Variants in SLC44A1 observed in about 807,000 individuals in gnomAD.
SLC44A1 encodes solute carrier family 44 member 1.
Under a neutral mutation model 79.3 loss-of-function variants are expected in SLC44A1, and 26 were observed. The observed-to-expected ratio is 0.33, with a 90% confidence interval of 0.24 to 0.46. The LOEUF (loss-of-function observed/expected upper bound fraction) is 0.46, where lower values mean the gene tolerates loss of function less well. Ranked by LOEUF, SLC44A1 falls within the 20% of genes least tolerant of loss-of-function variation. The pLI, the probability that SLC44A1 is intolerant of heterozygous loss-of-function variation, is 1.00. For synonymous variants in SLC44A1, 263 were observed against 286.2 expected (o/e 0.92, Z 0.82); for missense variants, 688 against 798.1 (o/e 0.86, Z 1.66).
rs571775119 is a variant in SLC44A1, at chr9:105,278,505, C to T, written c.37-20715C>T. ...CCTCGTGATCCACCCGCCTCGGCCTCCCGAAGTGCTGGGATTACAGGCGTG... is the reference window on the plus strand; with the variant it reads ...CCTCGTGATCCACCCGCCTCGGCCTTCCGAAGTGCTGGGATTACAGGCGTG... On this transcript the variant is annotated intron_variant, in intron 1 of 15. Coordinates refer to ENST00000374720, the MANE Select transcript of SLC44A1 (RefSeq NM_080546.5). Among the ~76,000 whole-genome samples the T allele has an allele frequency of 2.4e-3, 359 of 152,282 alleles. 1 individual carries two copies. Among genetic ancestry groups the T allele is most frequent in the African/African-American group, 8.1e-3 (336 of 41,530 alleles).
chr9:105,369,167 G>A (rs542967460), intron 12 of SLC44A1, among the ~76,000 whole-genome samples: 17 of 152,296 alleles, frequency 1.1e-4, no homozygotes, highest in African/African-American at 4.1e-4. Flanking sequence ...TTTGTGCCCT[G>A]TCTTAATCTG....
intron 1 of SLC44A1, among the ~76,000 whole-genome samples, chr9:105,254,702 C>T (rs1480710474): frequency 6.6e-6 from 1 of 152,204 alleles, no homozygotes; most frequent in Non-Finnish European, 1.5e-5. Flanking sequence ...AAACCCCTGT[C>T]TTTCTTTTTT....
intron 1 of SLC44A1, among the ~76,000 whole-genome samples, chr9:105,283,847 T>C (rs538934573): frequency 1.3e-5 from 2 of 152,310 alleles, no homozygotes; most frequent in East Asian, 3.9e-4. Context: ...TATTTTTCTG[T>C]AGTTCTCTAG....
intron 1 of SLC44A1, among the ~76,000 whole-genome samples, chr9:105,269,062 A>G (rs1359009190): frequency 6.6e-6 from 1 of 152,178 alleles, no homozygotes; most frequent in Non-Finnish European, 1.5e-5. Context: ...GCCCAGCTTT[A>G]TAGACTGTCA....
At chr9:105,304,565 C>A (rs1465819301) in intron 2 of SLC44A1, among the ~76,000 whole-genome samples, 1 of 152,142 alleles carries the variant, frequency 6.6e-6, no homozygotes, top group Non-Finnish European at 1.5e-5. Flanking sequence ...GTGAACTTCT[C>A]CCTGCAAGTA....
At chr9:105,374,876 A>T in intron 13 of SLC44A1, 141 bp downstream of exon 13, 1 of 631,752 alleles carries the variant, frequency 1.6e-6, no homozygotes, top group South Asian at 2.0e-5. Flanking sequence ...CTGTGTGTCC[A>T]GCATTGTGAT....
chr9:105,438,449 A>G (rs1829491378), exon 16 of SLC44A1: 1 of 638,562 alleles, frequency 1.6e-6, no homozygotes, highest in East Asian at 2.8e-5. Context: ...CCAACAGCCA[A>G]GTGGATTTGG....
At chr9:105,327,821 G>T (rs1826627593) in intron 3 of SLC44A1, among the ~76,000 whole-genome samples, 1 of 152,114 alleles carries the variant, frequency 6.6e-6, no homozygotes, top group Non-Finnish European at 1.5e-5. Context: ...TACGTTTGAT[G>T]CCTCCTCTAT....
At position 105,364,557 on chromosome 9, in the gene SLC44A1, A is replaced by C; in HGVS notation, c.1090A>C (p.Ser364Arg). 1 of 1,608,380 alleles carries C rather than the reference A, an allele frequency of 6.2e-7. No homozygotes were observed. Among genetic ancestry groups the C allele is most frequent in the Non-Finnish European group, 8.5e-7 (1 of 1,178,344 alleles). The change falls in exon 10 of 16, where the codon AGT (serine) becomes CGT (arginine). Residue 364 changes from serine to arginine, a missense_variant and splice_region_variant. Transcript: ENST00000374720. The stretch of plus-strand genomic sequence containing the variant: ...TTCCTTCCTTGATATTTTCCTAGGC[A>C]GTCCTGTTCAGAATGAGCAAGGCTT... Reference protein sequence around the residue: ...MTLLFLGTTGSPVQNEQGFVE... With the variant: ...MTLLFLGTTGRPVQNEQGFVE...
Position 105,436,506 on chromosome 9 carries a change from A to G in SLC44A1, c.1951-1775A>G, listed in dbSNP as rs1335597156. On this transcript the variant is annotated intron_variant, in intron 15 of 15. Coordinates refer to the SLC44A1 transcript ENST00000374724. ...TGAAGTGGGAGGATTGCTTGAGCCC[A>G]GGAGTTTGAGGTTACAGTGAGCTAT... 5.9e-5 allele frequency among the ~76,000 whole-genome samples: 9 copies of G among 152,324 alleles called. No homozygotes were observed. In the East Asian group the frequency reaches 1.7e-3, roughly 29 times the overall value.
intron 15 of SLC44A1, among the ~76,000 whole-genome samples, chr9:105,436,188 ACTCTAT>A (rs1829461829): frequency 6.6e-6 from 1 of 152,182 alleles, no homozygotes; most frequent in African/African-American, 2.4e-5. Flanking sequence ...AGAAAGCAAG[ACTCTAT>A]CTCAAAAACA....
At chr9:105,261,646 A>C (rs1829840903) in intron 1 of SLC44A1, among the ~76,000 whole-genome samples, 1 of 152,196 alleles carries the variant, frequency 6.6e-6, no homozygotes, top group African/African-American at 2.4e-5. Flanking sequence ...TGTCAGGCTA[A>C]GTACTGGGCT....
At chr9:105,397,962 AAG>A (rs1322078617), downstream of SLC44A1, among the ~76,000 whole-genome samples, 1 of 151,850 alleles carries the variant, frequency 6.6e-6, no homozygotes, top group East Asian at 1.9e-4. Flanking sequence ...AAAAAAAAAA[AAG>A]AAAAAAAGAA....
chr9:105,406,268 C>A (rs892694084), intron 15 of SLC44A1, among the ~76,000 whole-genome samples: 14 of 152,090 alleles, frequency 9.2e-5, no homozygotes, highest in Admixed American at 7.9e-4. Flanking sequence ...TCAGAAAAGT[C>A]ATTAAACAAA....
At chr9:105,268,981 T>C (rs1002566461) in intron 1 of SLC44A1, among the ~76,000 whole-genome samples, 1 of 152,226 alleles carries the variant, frequency 6.6e-6, no homozygotes, top group African/African-American at 2.4e-5. Context: ...TGCTCTTGTT[T>C]CTTGTAGAAT....
intron 1 of SLC44A1, among the ~76,000 whole-genome samples, chr9:105,269,341 C>T (rs1365626152): frequency 6.6e-6 from 1 of 152,100 alleles, no homozygotes; most frequent in Non-Finnish European, 1.5e-5. Flanking sequence ...TAACTGGTCA[C>T]CTCTTTTCTC....
At chr9:105,318,161 T>C (rs1191577727) in intron 3 of SLC44A1, among the ~76,000 whole-genome samples, 1 of 152,180 alleles carries the variant, frequency 6.6e-6, no homozygotes. Context: ...AAACTTATTG[T>C]ATTATTTATA....
Position 105,291,800 on chromosome 9 carries a change from A to G in SLC44A1, c.37-7420A>G, listed in dbSNP as rs565505785. ...TCATGAGGTATAGGCTTCAGGTTAT[A>G]TGGGATTCCTGGCCTGCCAGCTTAA... On this transcript the variant is annotated intron_variant, in intron 1 of 15. Transcript: ENST00000374720. 3.3e-5 allele frequency among the ~76,000 whole-genome samples: 5 copies of G among 152,306 alleles called. No individual in the cohort carries two copies. In the South Asian group the frequency reaches 1.0e-3, roughly 32 times the overall value.
At chr9:105,309,346 C>T (rs111929720) in intron 2 of SLC44A1, among the ~76,000 whole-genome samples, 16 of 152,236 alleles carry the variant, frequency 1.1e-4, no homozygotes, top group African/African-American at 3.4e-4. Context: ...AACATCTCTA[C>T]GCCTCAGTTT....
Sources: allele counts gnomAD v4.1 joint callset (sites outside exome capture counted in the v4.1 genomes callset), GRCh38; gene constraint gnomAD v4.1.1; transcripts MANE v1.5; gene names NCBI Gene and HGNC (gene_info 2026-07-23, HGNC 2026-07-21).